The following EIF4E3 variants were observed in gnomAD, a reference collection of about 807,000 sequenced individuals.
The protein encoded by EIF4E3 is eukaryotic translation initiation factor 4E type 3.
Under a neutral mutation model 31.7 loss-of-function variants are expected in EIF4E3, and 26 were observed. That is an observed-to-expected ratio of 0.82 (90% CI 0.60 to 1.14). EIF4E3 has a LOEUF of 1.14. Ranked by LOEUF, EIF4E3 falls within the 50% of genes most tolerant of loss-of-function variation. The pLI is 0.00. For synonymous variants in EIF4E3, 128 were observed against 107.7 expected, an observed-to-expected ratio of 1.19 and a Z score of -1.17; for missense variants, 304 against 270.9, an observed-to-expected ratio of 1.12 and a Z score of -0.86.
Position 71,725,400 on chromosome 3 carries a change from C to T in EIF4E3, c.-33G>A, listed in dbSNP as rs1168977673. ...GCCCCGCCTGCAAGGCCGGCGGACG[C>T]GCGGACCGCGGGGCGAGCGCGGCTG... On this transcript the variant is annotated 5_prime_UTR_variant, in exon 1 of 7. Transcript: ENST00000425534. This position sits in a 1 kb window ranked among gnomAD's most constrained non-coding sequence, Gnocchi z 6.1. 8.6e-5 allele frequency: 84 copies of T among 977,766 alleles called. No homozygotes were observed. The highest frequency in any genetic ancestry group is 1.0e-4 in the Non-Finnish European group (83 of 826,310). The allele number at this position is 977,766 out of a possible 1,614,324, so 60.6% of individuals were successfully genotyped here. A position where few individuals can be genotyped will look rare whatever the true frequency, so the allele number is the denominator to read the frequency against.
chr3:71,660,262 C>T, the EIF4E3 span, among the ~76,000 whole-genome samples: 2 of 151,732 alleles, frequency 1.3e-5, no homozygotes, highest in African/African-American at 4.8e-5. Flanking sequence ...TTCTGTTCTC[C>T]GATGATGAGC....
chr3:71,661,556 A>T, the EIF4E3 span, among the ~76,000 whole-genome samples: 1 of 152,184 alleles, frequency 6.6e-6, no homozygotes, highest in African/African-American at 2.4e-5. Flanking sequence ...GGCATAGAAA[A>T]GATCCAAGGC....
chr3:71,752,528 G>C (rs1015441959), intron 1 of EIF4E3, among the ~76,000 whole-genome samples: 1 of 152,026 alleles, frequency 6.6e-6, no homozygotes, highest in East Asian at 1.9e-4. Flanking sequence ...GTAATCAGTA[G>C]GCAACAAATA....
At position 71,679,333 on chromosome 3, in the gene EIF4E3, C is replaced by T. The variant is rs996333421; in HGVS notation, c.*5349G>A. The T allele has an allele frequency of 1.3e-5, 2 of 151,976 alleles. No individual in the cohort carries two copies. Among genetic ancestry groups the T allele is most frequent in the Non-Finnish European group, 2.9e-5 (2 of 67,988 alleles). The allele number at this position is 151,976 out of a possible 1,614,324, so 9.4% of individuals were successfully genotyped here. On this transcript the variant is annotated 3_prime_UTR_variant, in exon 7 of 7. Coordinates refer to ENST00000425534, the MANE Select transcript of EIF4E3 (RefSeq NM_001134651.2). ...TGCAAAGTTGACACTTTAATAGATC[C>T]GAAATAAACATCTGTTCCAAAATAA...
chr3:71,690,285 C>A (rs2049047712), intron 5 of EIF4E3, 120 bp from the exon 6 acceptor site: 2 of 1,124,840 alleles, frequency 1.8e-6, no homozygotes, highest in Admixed American at 3.2e-5. Context: ...GAAGGTGGCA[C>A]AAGATAACTT....
At chr3:71,709,711 C>T (rs1485130789) in intron 2 of EIF4E3, among the ~76,000 whole-genome samples, 1 of 152,128 alleles carries the variant, frequency 6.6e-6, no homozygotes, top group Non-Finnish European at 1.5e-5. Context: ...GTTTTTCCAA[C>T]TCCACCATCA....
chr3:71,687,896 C>T (rs538749509), intron 6 of EIF4E3, among the ~76,000 whole-genome samples: 1 of 152,310 alleles, frequency 6.6e-6, no homozygotes, highest in African/African-American at 2.4e-5. Context: ...CTTAGCTTAC[C>T]CTGCTGTGAA....
At chr3:71,735,649 T>C (rs1015943032) in intron 1 of EIF4E3, among the ~76,000 whole-genome samples, 1 of 152,122 alleles carries the variant, frequency 6.6e-6, no homozygotes, top group Non-Finnish European at 1.5e-5. Context: ...GAAAAACACA[T>C]GGCACAAACT....
chr3:71,693,777 T>C, intron 5 of EIF4E3, 98 bp downstream of exon 5: 2 of 1,161,060 alleles, frequency 1.7e-6, no homozygotes, highest in Non-Finnish European at 2.3e-6. Flanking sequence ...CTTCAAAACA[T>C]GTAAAAAGTC....
intron 1 of EIF4E3, among the ~76,000 whole-genome samples, chr3:71,716,450 G>T (rs1339293724): frequency 2.0e-5 from 3 of 152,034 alleles, no homozygotes; most frequent in Admixed American, 6.6e-5. Flanking sequence ...AGCCAGGATG[G>T]TCTCGATCTC....
intron 1 of EIF4E3, among the ~76,000 whole-genome samples, chr3:71,711,342 T>A (rs916014869): frequency 6.6e-6 from 1 of 152,206 alleles, no homozygotes; most frequent in African/African-American, 2.4e-5. Flanking sequence ...ATCACACAAA[T>A]AATGCATGAA....
At chr3:71,708,641 C>T (rs1485530881) in intron 2 of EIF4E3, among the ~76,000 whole-genome samples, 3 of 151,948 alleles carry the variant, frequency 2.0e-5, no homozygotes, top group South Asian at 2.1e-4. Flanking sequence ...CCCCAGAACC[C>T]CTTGCATAAC....
rs1559581791 is a variant in EIF4E3 at position 71,675,708 on chromosome 3, G to C, written c.*8974C>G. 3 of 152,194 alleles carry C rather than the reference G, an allele frequency of 2.0e-5. No homozygotes were observed. The highest frequency in any genetic ancestry group is 6.5e-5 in the Admixed American group (1 of 15,286). The allele number at this position is 152,194 out of a possible 1,614,324, so 9.4% of individuals were successfully genotyped here. ...CATTTCTTCATCTGTAAAATGAAAAGTTTGAACTAGGCCAGTGATTTTTCC... is the reference window on the plus strand; with the variant it reads ...CATTTCTTCATCTGTAAAATGAAAACTTTGAACTAGGCCAGTGATTTTTCC... On this transcript the variant is annotated 3_prime_UTR_variant, in exon 7 of 7. Coordinates refer to ENST00000425534, the MANE Select transcript of EIF4E3 (RefSeq NM_001134651.2).
At chr3:71,665,550 G>T in the EIF4E3 span, among the ~76,000 whole-genome samples, 2 of 152,182 alleles carry the variant, frequency 1.3e-5, no homozygotes, top group African/African-American at 4.8e-5. Context: ...AGACATGAAA[G>T]TCTGTCACTG....
At position 71,682,815 on chromosome 3, in the gene EIF4E3, TC is replaced by T. The variant is rs1353095166; in HGVS notation, c.*1866del. 9 of 152,304 alleles carry T rather than the reference TC, an allele frequency of 5.9e-5. No individual in the cohort carries two copies. The highest frequency in any genetic ancestry group is 2.2e-4 in the African/African-American group (9 of 41,170). 9.4% of individuals were successfully genotyped at this position (152,304 alleles called of 1,614,324 possible). A position where few individuals can be genotyped will look rare whatever the true frequency, so the allele number is the denominator to read the frequency against. On this transcript the variant is annotated 3_prime_UTR_variant, in exon 7 of 7. Transcript: ENST00000425534. ...TCATCACAAATGCTTTAAATAAAGT[TC>T]AAAAAATAAAAATACTTCAAAATCC...
chr3:71,743,221 C>T (rs79861207), intron 1 of EIF4E3, among the ~76,000 whole-genome samples: 21,094 of 152,110 alleles, frequency 0.14, 2,054 homozygotes, highest in East Asian at 0.36. Context: ...CCAGACAAGA[C>T]GCATGTCTAT....
At chr3:71,709,640 C>A (rs992187396) in intron 2 of EIF4E3, among the ~76,000 whole-genome samples, 4 of 152,142 alleles carry the variant, frequency 2.6e-5, no homozygotes, top group African/African-American at 9.7e-5. Context: ...CTTAGCCTCC[C>A]AAACTCCTGG....
rs2107997282 is a variant in EIF4E3, at chr3:71,681,059, AT to A, written c.*3622del. The stretch of plus-strand genomic sequence containing the variant: ...TATCTCCTATATGTGAGTTTATTTT[AT>A]TCTTTTTCTTCCCAATCACTTATAA... On this transcript the variant is annotated 3_prime_UTR_variant, in exon 7 of 7. Coordinates refer to ENST00000425534, the MANE Select transcript of EIF4E3 (RefSeq NM_001134651.2). 6.6e-6 allele frequency: 1 copy of A among 152,296 alleles called. No homozygotes were observed. The highest frequency in any genetic ancestry group is 2.4e-5 in the African/African-American group (1 of 41,550). 9.4% of individuals were successfully genotyped at this position (152,296 alleles called of 1,614,324 possible).
At chr3:71,670,135 C>A in the EIF4E3 span, among the ~76,000 whole-genome samples, 1 of 152,170 alleles carries the variant, frequency 6.6e-6, no homozygotes, top group Admixed American at 6.5e-5. Context: ...TCTAAACTGT[C>A]GAACGTCAGG....
Sources: allele counts gnomAD v4.1 joint callset (sites outside exome capture counted in the v4.1 genomes callset), GRCh38; gene constraint gnomAD v4.1.1; non-coding constraint Gnocchi (gnomAD v3.1); transcripts MANE v1.5; gene names NCBI Gene and HGNC (gene_info 2026-07-23, HGNC 2026-07-21).